Variants in SETDB2 observed in about 807,000 individuals in gnomAD.
The protein encoded by SETDB2 is histone-lysine N-methyltransferase SETDB2.
In SETDB2, 56 loss-of-function variants were observed where a neutral mutation model predicts 82.5. That is an observed-to-expected ratio of 0.68 (90% CI 0.55 to 0.85). The LOEUF (loss-of-function observed/expected upper bound fraction) is 0.85. Ranked by LOEUF, SETDB2 falls within the 40% of genes least tolerant of loss-of-function variation. SETDB2 has a pLI of 0.00. For synonymous variants in SETDB2, 272 were observed against 284.9 expected, an observed-to-expected ratio of 0.95 and a Z score of 0.46; for missense variants, 677 against 816.4, an observed-to-expected ratio of 0.83 and a Z score of 2.08.
chr13:49,491,842 T>A lies in SETDB2; in HGVS notation c.2117T>A (p.Ile706Lys), dbSNP rs1958718934. ...QCGVNKCRKKIL is the reference protein window; with the variant it reads ...QCGVNKCRKKKL ...GGGGTTAATAAATGTAGAAAAAAAA[T>A]ATTATAAATATGTAACTAACGCCTG... The change falls in exon 14 of 14, where the codon ATA becomes AAA. Residue 706 changes from isoleucine to lysine, a missense_variant. This residue lies in a region of SETDB2 where 420 missense variants were observed against 554.6 expected (regional missense o/e 0.76). Transcript: ENST00000611815. 3 of 1,587,772 alleles carry A rather than the reference T, an allele frequency of 1.9e-6. No homozygotes were observed. The highest frequency in any genetic ancestry group is 1.7e-6 in the Non-Finnish European group (2 of 1,156,724).
At chr13:49,479,333 A>G (rs1958431821) in intron 6 of SETDB2, among the ~76,000 whole-genome samples, 1 of 152,200 alleles carries the variant, frequency 6.6e-6, no homozygotes, top group South Asian at 2.1e-4. Flanking sequence ...GGTGTTTATT[A>G]TTATCTGTAT....
intron 6 of SETDB2, among the ~76,000 whole-genome samples, chr13:49,477,360 C>CA (rs1394598045): frequency 6.6e-6 from 1 of 152,066 alleles, no homozygotes; most frequent in African/African-American, 2.4e-5. Context: ...TGCTTGAGCC[C>CA]AGGAGGTCAA....
chr13:49,483,512 T>C lies in SETDB2; in HGVS notation c.1431T>C (p.Ile477=), dbSNP rs759976082. 4 of 1,500,448 alleles carry C rather than the reference T, an allele frequency of 2.7e-6. No homozygotes were observed. The highest frequency in any genetic ancestry group is 3.6e-6 in the Non-Finnish European group (4 of 1,115,268). 92.9% of individuals were successfully genotyped at this position (1,500,448 alleles called of 1,614,324 possible). ...CAAGAATTCAATATCATTCAGTTATTAGAGATCCTGAATCCAAGACAGCCA... is the reference window on the plus strand; with the variant it reads ...CAAGAATTCAATATCATTCAGTTATCAGAGATCCTGAATCCAAGACAGCCA... ...NISRIQYHSV[I]RDPESKTAIF... is the part of the protein sequence containing the mutation. The change falls in exon 10 of 14, where the codon ATT becomes ATC. Residue 477 remains isoleucine, a synonymous_variant. Coordinates refer to ENST00000611815, the MANE Select transcript of SETDB2 (RefSeq NM_001160308.3).
rs553997690 is a variant in SETDB2 at position 49,444,384 on chromosome 13, G to A, written c.-815G>A. 1.5e-5 allele frequency: 3 copies of A among 204,348 alleles called. No homozygotes were observed. In the South Asian group the frequency reaches 1.7e-4, roughly 12 times the overall value. 12.7% of individuals were successfully genotyped at this position (204,348 alleles called of 1,614,324 possible). A position where few individuals can be genotyped will look rare whatever the true frequency, so the allele number is the denominator to read the frequency against. On this transcript the variant is annotated 5_prime_UTR_variant, in exon 1 of 14. Coordinates refer to ENST00000611815, the MANE Select transcript of SETDB2 (RefSeq NM_001160308.3). ...CCCGGCCAGAGGGCACCTGCGCTCG[G>A]GAGGTTTGGGCGGCTTGGCGTCGGA...
At chr13:49,449,453 G>C (rs2138807517) in intron 1 of SETDB2, among the ~76,000 whole-genome samples, 1 of 152,208 alleles carries the variant, frequency 6.6e-6, no homozygotes, top group East Asian at 1.9e-4. Flanking sequence ...ATTTCGCCAT[G>C]TTGGCCAGGC....
At position 49,471,934 on chromosome 13, in the gene SETDB2, A is replaced by ATATT. The variant is rs1378783393; in HGVS notation, c.305+3975_305+3976insATTT. Among the ~76,000 whole-genome samples, 797 of 119,186 alleles carry ATATT rather than the reference A, an allele frequency of 6.7e-3. 12 individuals carry two copies. Among genetic ancestry groups the ATATT allele is most frequent in the African/African-American group, 0.025 (699 of 27,708 alleles). 78.2% of individuals were successfully genotyped at this position (119,186 alleles called of 152,430 possible). On this transcript the variant is annotated intron_variant, in intron 5 of 13. Transcript: ENST00000611815. The stretch of plus-strand genomic sequence containing the variant: ...GTGACATATATATATATATATATAT[A>ATATT]TTTTTTTTTTTTTTTAAATAGAGAC...
At chr13:49,451,286 T>C (rs1957780649) in intron 1 of SETDB2, among the ~76,000 whole-genome samples, 1 of 151,020 alleles carries the variant, frequency 6.6e-6, no homozygotes, top group Admixed American at 6.6e-5. Context: ...TATAAAAGAC[T>C]TATAAAATGG....
chr13:49,455,004 T>G (rs1309688246), intron 2 of SETDB2, among the ~76,000 whole-genome samples: 1 of 152,178 alleles, frequency 6.6e-6, no homozygotes, highest in Non-Finnish European at 1.5e-5. Flanking sequence ...AAAATATTAA[T>G]TGGCTTATTT....
At chr13:49,472,265 G>C (rs1186722309) in intron 5 of SETDB2, among the ~76,000 whole-genome samples, 2 of 152,056 alleles carry the variant, frequency 1.3e-5, no homozygotes, top group African/African-American at 2.4e-5. Context: ...ATACATTCTT[G>C]TTTTAAAATA....
chr13:49,480,401 G>T, intron 7 of SETDB2, 66 bp downstream of exon 7: 2 of 929,628 alleles, frequency 2.2e-6, no homozygotes, highest in Non-Finnish European at 3.2e-6. Flanking sequence ...TTTTATTGTG[G>T]TCCAAAATCT....
intron 4 of SETDB2, among the ~76,000 whole-genome samples, chr13:49,465,072 T>TAAAAAAAA (rs11404262): frequency 7.0e-6 from 1 of 142,238 alleles, no homozygotes; most frequent in Non-Finnish European, 1.5e-5. Flanking sequence ...AGACCCTGTC[T>TAAAAAAAA]AAAAAAAAAA....
chr13:49,492,584 A>T lies in SETDB2; in HGVS notation c.*735A>T, dbSNP rs1958733418. 6.6e-6 allele frequency: 1 copy of T among 152,248 alleles called. No homozygotes were observed. Among genetic ancestry groups the T allele is most frequent in the African/African-American group, 2.4e-5 (1 of 41,462 alleles). 9.4% of individuals were successfully genotyped at this position (152,248 alleles called of 1,614,324 possible). On this transcript the variant is annotated 3_prime_UTR_variant, in exon 14 of 14. Coordinates refer to ENST00000611815, the MANE Select transcript of SETDB2 (RefSeq NM_001160308.3). ...TTTTGTTCTAGATAGAGATACAGTT[A>T]CTGAAAAGGAAACCTAGAAAGTAGT...
chr13:49,475,632 A>G (rs1014960322), intron 5 of SETDB2, among the ~76,000 whole-genome samples: 2 of 151,926 alleles, frequency 1.3e-5, no homozygotes, highest in Non-Finnish European at 2.9e-5. Flanking sequence ...AACTACAGGC[A>G]TGCACCACCA....
chr13:49,454,050 T>TA (rs1248705076), intron 2 of SETDB2, among the ~76,000 whole-genome samples: 2 of 152,100 alleles, frequency 1.3e-5, no homozygotes, highest in Non-Finnish European at 1.5e-5. Flanking sequence ...ACTCCAGTAG[T>TA]AAAAAACTTA....
chr13:49,484,266 T>G (rs73491286), intron 10 of SETDB2, among the ~76,000 whole-genome samples: 4,252 of 152,118 alleles, frequency 0.028, 208 homozygotes, highest in African/African-American at 0.098. Context: ...AAGGTTTTTG[T>G]TTTTTGTTTT....
chr13:49,455,403 T>G (rs918891179), intron 2 of SETDB2, among the ~76,000 whole-genome samples: 3 of 152,174 alleles, frequency 2.0e-5, no homozygotes, highest in African/African-American at 7.2e-5. Flanking sequence ...TATCTTGCAC[T>G]TTGAGTAGAT....
chr13:49,463,096 C>T (rs950508062), intron 4 of SETDB2, among the ~76,000 whole-genome samples: 11 of 152,156 alleles, frequency 7.2e-5, no homozygotes, highest in Non-Finnish European at 1.6e-4. Context: ...ACCTCCCCCT[C>T]CCAGGTTCAA....
intron 8 of SETDB2, 23 bp downstream of exon 8, chr13:49,481,139 A>T: frequency 6.2e-7 from 1 of 1,605,290 alleles, no homozygotes; most frequent in Non-Finnish European, 8.5e-7. Context: ...TTTATTTTCA[A>T]ATTATTCTAG....
At chr13:49,489,067 A>G (rs143775107) in intron 12 of SETDB2, 138 of 156,106 alleles carry the variant, frequency 8.8e-4, no homozygotes, top group Admixed American at 5.1e-3. Flanking sequence ...CAGGGATTTA[A>G]TGGTGTATTA....
Sources: gnomAD v4.1 joint callset for allele counts (sites outside exome capture counted in the v4.1 genomes callset) on GRCh38, gnomAD v4.1.1 for gene constraint, gnomAD v4.1.1 regional missense constraint, MANE v1.5 for transcripts, NCBI Gene and HGNC (gene_info 2026-07-23, HGNC 2026-07-21) for gene names.